The following KIRREL3 variants were observed in gnomAD, a reference collection of about 807,000 sequenced individuals.
KIRREL3 encodes the protein kirre like nephrin family adhesion molecule 3.
A neutral mutation model predicts 89.7 loss-of-function variants in KIRREL3; 36 were observed. That is an observed-to-expected ratio of 0.40 (90% CI 0.31 to 0.53). The LOEUF (loss-of-function observed/expected upper bound fraction) is 0.53, where lower values mean the gene tolerates loss of function less well. Ranked by LOEUF, KIRREL3 falls within the 20% of genes least tolerant of loss-of-function variation. The probability of loss-of-function intolerance (pLI) is 0.49; values close to 1 mark genes in which losing one functional copy is unlikely to be tolerated. For synonymous variants in KIRREL3, 445 were observed against 441.4 expected (o/e 1.01, Z -0.10); for missense variants, 864 against 1,056.6 (o/e 0.82, Z 2.53).
intron 5 of KIRREL3, among the ~76,000 whole-genome samples, chr11:126,468,171 C>G (rs976358340): frequency 1.3e-5 from 2 of 152,206 alleles, no homozygotes; most frequent in African/African-American, 4.8e-5. Context: ...CCCTCCTCTT[C>G]CGTAACCCAT....
rs1445712112 is a variant in KIRREL3, at chr11:126,570,105, C to T, written c.56-7193G>A. ...ATATTAATCCTGACTAGTGCCTGGC[C>T]CTGGACCTCCAGGACGAGTGATAAA... On this transcript the variant is annotated intron_variant, in intron 1 of 16. Coordinates refer to ENST00000525144, the MANE Select transcript of KIRREL3 (RefSeq NM_032531.4). The surrounding 1 kb of genome is among the most constrained non-coding windows in gnomAD (Gnocchi z 6.1). 6.6e-6 allele frequency among the ~76,000 whole-genome samples: 1 copy of T among 152,016 alleles called. No homozygotes were observed. The highest frequency in any genetic ancestry group is 6.6e-5 in the Admixed American group (1 of 15,262).
At position 126,537,584 on chromosome 11, in the gene KIRREL3, C is replaced by A. The variant is rs933229608; in HGVS notation, c.134-10897G>T. ...AGTACCTAACCGATGGGTCACCTGT[C>A]GGAGCCTGGGTCCTGGACAGTAGGA... On this transcript the variant is annotated intron_variant, in intron 2 of 16. Coordinates refer to ENST00000525144, the MANE Select transcript of KIRREL3 (RefSeq NM_032531.4). This position sits in a 1 kb window ranked among gnomAD's most constrained non-coding sequence, Gnocchi z 4.3. Among the ~76,000 whole-genome samples the A allele has an allele frequency of 6.6e-6, 1 of 152,114 alleles. No individual in the cohort carries two copies. The highest frequency in any genetic ancestry group is 1.5e-5 in the Non-Finnish European group (1 of 68,028).
chr11:126,953,318 A>T lies in KIRREL3; in HGVS notation c.55+47137T>A, dbSNP rs1232469503. On this transcript the variant is annotated intron_variant, in intron 1 of 16. Transcript: ENST00000525144. This position sits in a 1 kb window ranked among gnomAD's most constrained non-coding sequence, Gnocchi z 5.2. ...TGGACACAGGGAGGGGACATCATAC[A>T]CCGGGGCTTGTTGTGGGGTGGGGGG... Among the ~76,000 whole-genome samples the T allele has an allele frequency of 1.4e-5, 2 of 138,958 alleles. No homozygotes were observed. The highest frequency in any genetic ancestry group is 3.1e-5 in the Non-Finnish European group (2 of 65,064). 91.2% of individuals were successfully genotyped at this position (138,958 alleles called of 152,430 possible).
chr11:126,671,722 T>G (rs768891967), intron 1 of KIRREL3, among the ~76,000 whole-genome samples: 2 of 152,174 alleles, frequency 1.3e-5, no homozygotes, highest in Admixed American at 6.5e-5. Flanking sequence ...AAATTAAAAT[T>G]ACAACATACC....
intron 1 of KIRREL3, among the ~76,000 whole-genome samples, chr11:126,972,869 A>AT (rs1482896436): frequency 8.5e-5 from 13 of 152,102 alleles, no homozygotes; most frequent in Non-Finnish European, 1.3e-4. Flanking sequence ...AAAAAAAGTC[A>AT]TTTTTTCATT....
At chr11:126,799,376 GTGCA>G (rs796343463) in intron 1 of KIRREL3, among the ~76,000 whole-genome samples, 8,057 of 95,442 alleles carry the variant, frequency 0.084, 311 homozygotes, top group East Asian at 0.21. Flanking sequence ...GTATCTGTGT[GTGCA>G]TGCGTGTATC....
intron 7 of KIRREL3, among the ~76,000 whole-genome samples, chr11:126,452,279 C>T (rs558393506): frequency 1.3e-5 from 2 of 152,376 alleles, no homozygotes; most frequent in South Asian, 4.1e-4. Flanking sequence ...TCGTTTCAAT[C>T]TCTTAACTTT....
At chr11:126,453,687 G>A (rs935900773) in intron 7 of KIRREL3, among the ~76,000 whole-genome samples, 3 of 152,212 alleles carry the variant, frequency 2.0e-5, no homozygotes, top group African/African-American at 7.2e-5. Flanking sequence ...TGGCCCCTCC[G>A]CCTCCTCCCT....
rs552239687 is a variant in KIRREL3 at position 126,901,177 on chromosome 11, G to T, written c.55+99278C>A. ...TGCAGTGAGCTGAGATCGCACCATTGCATTTCAGCCTGGGTAACAGAGCGA... is the reference window on the plus strand; with the variant it reads ...TGCAGTGAGCTGAGATCGCACCATTTCATTTCAGCCTGGGTAACAGAGCGA... On this transcript the variant is annotated intron_variant, in intron 1 of 16. Transcript: ENST00000525144. Among the ~76,000 whole-genome samples, 3 of 138,066 alleles carry T rather than the reference G, an allele frequency of 2.2e-5. No individual in the cohort carries two copies. The Admixed American group carries it at 2.4e-4, about 11-fold the overall frequency. 90.6% of individuals were successfully genotyped at this position (138,066 alleles called of 152,430 possible). A position where few individuals can be genotyped will look rare whatever the true frequency, so the allele number is the denominator to read the frequency against.
At chr11:126,518,964 G>A (rs1422624291) in intron 4 of KIRREL3, among the ~76,000 whole-genome samples, 1 of 152,264 alleles carries the variant, frequency 6.6e-6, no homozygotes, top group Admixed American at 6.5e-5. Flanking sequence ...AGGATGAATG[G>A]TTTTGGTGGA....
In KIRREL3 at chr11:126,900,007, T is replaced by C. The variant is rs1946311779; in HGVS notation, c.55+100448A>G. 6.6e-6 allele frequency among the ~76,000 whole-genome samples: 1 copy of C among 152,180 alleles called. No homozygotes were observed. Among genetic ancestry groups the C allele is most frequent in the Admixed American group, 6.5e-5 (1 of 15,280 alleles). On this transcript the variant is annotated intron_variant, in intron 1 of 16. Coordinates refer to ENST00000525144, the MANE Select transcript of KIRREL3 (RefSeq NM_032531.4). This position sits in a 1 kb window ranked among gnomAD's most constrained non-coding sequence, Gnocchi z 4.4. ...TAAGCAAATTTGGGATGAGGGGAAGTAACAAATAGTCATATTAATTGCATG... is the reference window on the plus strand; with the variant it reads ...TAAGCAAATTTGGGATGAGGGGAAGCAACAAATAGTCATATTAATTGCATG...
At position 126,535,723 on chromosome 11, in the gene KIRREL3, G is replaced by A. The variant is rs1027989330; in HGVS notation, c.134-9036C>T. ...TTGAGGGCTGGGCCCGGTGGCTCAC[G>A]CCTGTAATCCCAGCACTTTGGGAAG... On this transcript the variant is annotated intron_variant, in intron 2 of 16. Transcript: ENST00000525144. This position sits in a 1 kb window ranked among gnomAD's most constrained non-coding sequence, Gnocchi z 4.5. 1.3e-5 allele frequency among the ~76,000 whole-genome samples: 2 copies of A among 152,238 alleles called. No individual in the cohort carries two copies. Among genetic ancestry groups the A allele is most frequent in the Admixed American group, 6.5e-5 (1 of 15,290 alleles).
intron 1 of KIRREL3, among the ~76,000 whole-genome samples, chr11:126,806,660 T>A (rs1344432373): frequency 6.6e-6 from 1 of 152,158 alleles, no homozygotes; most frequent in Non-Finnish European, 1.5e-5. Context: ...ATATTAACCA[T>A]GTTGTATATT....
chr11:126,734,527 G>T lies in KIRREL3; in HGVS notation c.56-171615C>A, dbSNP rs1038665854. Among the ~76,000 whole-genome samples, 5 of 152,152 alleles carry T rather than the reference G, an allele frequency of 3.3e-5. No individual in the cohort carries two copies. The highest frequency in any genetic ancestry group is 6.5e-5 in the Admixed American group (1 of 15,270). On this transcript the variant is annotated intron_variant, in intron 1 of 16. Coordinates refer to ENST00000525144, the MANE Select transcript of KIRREL3 (RefSeq NM_032531.4). The surrounding 1 kb of genome is among the most constrained non-coding windows in gnomAD (Gnocchi z 5.9). Reference sequence around the variant, plus strand: ...AAAAATACAAAATCAGCTGGGCATGGCAGCGCGTGCCTGTAATCCCAGCTA... The same window carrying T: ...AAAAATACAAAATCAGCTGGGCATGTCAGCGCGTGCCTGTAATCCCAGCTA...
chr11:126,758,226 A>C (rs1395848934), intron 1 of KIRREL3, among the ~76,000 whole-genome samples: 1 of 152,224 alleles, frequency 6.6e-6, no homozygotes, highest in Non-Finnish European at 1.5e-5. Flanking sequence ...AATCTTTCTC[A>C]ATTAGCTATT....
At position 126,993,800 on chromosome 11, in the gene KIRREL3, T is replaced by G. The variant is rs1218959375; in HGVS notation, c.55+6655A>C. ...GAGACACTAGACTATGTGGAGCCCCTGGGGGAAAATGTGGAATAGTGACAG... is the reference window on the plus strand; with the variant it reads ...GAGACACTAGACTATGTGGAGCCCCGGGGGGAAAATGTGGAATAGTGACAG... On this transcript the variant is annotated intron_variant, in intron 1 of 16. Transcript: ENST00000525144. The surrounding 1 kb of genome is among the most constrained non-coding windows in gnomAD (Gnocchi z 6.1). 6.6e-6 allele frequency among the ~76,000 whole-genome samples: 1 copy of G among 152,128 alleles called. No individual in the cohort carries two copies. The highest frequency in any genetic ancestry group is 1.5e-5 in the Non-Finnish European group (1 of 68,022).
At chr11:126,916,451 C>A (rs971025455) in intron 1 of KIRREL3, among the ~76,000 whole-genome samples, 1 of 152,068 alleles carries the variant, frequency 6.6e-6, no homozygotes, top group Admixed American at 6.5e-5. Flanking sequence ...GCCCTGGGAC[C>A]ACACTGTGAG....
intron 1 of KIRREL3, among the ~76,000 whole-genome samples, chr11:126,963,274 T>C (rs1304317829): frequency 6.6e-6 from 1 of 151,228 alleles, no homozygotes; most frequent in Non-Finnish European, 1.5e-5. Flanking sequence ...AGTGTTAGCC[T>C]TCTCCCTTGC....
At chr11:126,692,418 A>G (rs1457175438) in intron 1 of KIRREL3, among the ~76,000 whole-genome samples, 2 of 151,802 alleles carry the variant, frequency 1.3e-5, no homozygotes, top group Non-Finnish European at 2.9e-5. Flanking sequence ...GGTGGCACAC[A>G]CCTGTAGTCT....
Sources: gnomAD v4.1 joint callset for allele counts (sites outside exome capture counted in the v4.1 genomes callset) on GRCh38, gnomAD v4.1.1 for gene constraint, Gnocchi (gnomAD v3.1) non-coding constraint, MANE v1.5 for transcripts, NCBI Gene and HGNC (gene_info 2026-07-23, HGNC 2026-07-21) for gene names.